The following SLX4IP variants were observed in gnomAD, a reference collection of about 807,000 sequenced individuals.
The protein encoded by SLX4IP is SLX4 interacting protein, also known as protein SLX4IP.
SLX4IP carries 34 observed loss-of-function variants against 32.9 expected under a neutral mutation model. The observed-to-expected ratio is 1.03, with a 90% CI of 0.79 to 1.38. The LOEUF is 1.38. Ranked by LOEUF, SLX4IP falls within the 40% of genes most tolerant of loss-of-function variation. The pLI is 0.00. For missense variants in SLX4IP, 444 were observed against 479.0 expected, an observed-to-expected ratio of 0.93 and a Z score of 0.68; for synonymous variants, 172 against 171.7, an observed-to-expected ratio of 1.00 and a Z score of -0.01.
rs1051358799 is a variant in SLX4IP, at chr20:10,512,629, TTATATATAG to T, written c.28-43589_28-43581del. Among the ~76,000 whole-genome samples the T allele has an allele frequency of 1.4e-5, 2 of 144,604 alleles. 1 individual carries two copies. The highest frequency in any genetic ancestry group is 4.2e-4 in the South Asian group (2 of 4,760). The allele number at this position is 144,604 out of a possible 152,430, so 94.9% of individuals were successfully genotyped here. On this transcript the variant is annotated intron_variant, in intron 2 of 7. Coordinates refer to ENST00000334534, the MANE Select transcript of SLX4IP (RefSeq NM_001009608.3). ...TATAAAATATATATAGTATTATATA[TTATATATAG>T]TATATATAGTATTTTTTATATATAG...
chr20:10,562,710 C>A (rs1282397631), intron 4 of SLX4IP, among the ~76,000 whole-genome samples: 1 of 152,180 alleles, frequency 6.6e-6, no homozygotes, highest in Non-Finnish European at 1.5e-5. Flanking sequence ...TCCCATATCA[C>A]CATGAATGAC....
chr20:10,474,313 C>T (rs1375779809), intron 2 of SLX4IP, among the ~76,000 whole-genome samples: 5 of 152,330 alleles, frequency 3.3e-5, no homozygotes, highest in Admixed American at 2.6e-4. Flanking sequence ...GAGCTTCTTA[C>T]AAAAGCCCAT....
rs1410865096 is a variant in SLX4IP, at chr20:10,611,047, A to T, written c.405+9228A>T. Among the ~76,000 whole-genome samples, 9 of 152,216 alleles carry T rather than the reference A, an allele frequency of 5.9e-5. No homozygotes were observed. The East Asian group carries it at 1.3e-3, about 23-fold the overall frequency. On this transcript the variant is annotated intron_variant, in intron 6 of 7. Transcript: ENST00000334534. ...TTATGTGTCATATTTCACATCGCTG[A>T]TGCTCCTGAAAATCATGAGGTGTCC...
intron 2 of SLX4IP, among the ~76,000 whole-genome samples, chr20:10,497,499 T>C (rs2122407432): frequency 6.6e-6 from 1 of 152,316 alleles, no homozygotes; most frequent in East Asian, 1.9e-4. Flanking sequence ...TAGTATACCC[T>C]CTTCAAATAT....
At chr20:10,465,629 C>T (rs532838584) in intron 2 of SLX4IP, among the ~76,000 whole-genome samples, 9 of 152,322 alleles carry the variant, frequency 5.9e-5, no homozygotes, top group African/African-American at 2.2e-4. Context: ...TCTCAGCCTC[C>T]CAAGTAGCTG....
chr20:10,605,303 C>A (rs2066892763), intron 6 of SLX4IP, among the ~76,000 whole-genome samples: 1 of 152,060 alleles, frequency 6.6e-6, no homozygotes, highest in Non-Finnish European at 1.5e-5. Context: ...TTGCTAAGTC[C>A]CAGCTCTATA....
intron 4 of SLX4IP, among the ~76,000 whole-genome samples, chr20:10,576,143 G>A (rs1018120999): frequency 5.3e-5 from 8 of 152,142 alleles, no homozygotes; most frequent in African/African-American, 1.9e-4. Flanking sequence ...CAATTGTGAA[G>A]TTTTATGGTT....
intron 1 of SLX4IP, among the ~76,000 whole-genome samples, chr20:10,436,622 T>TG (rs1187705046): frequency 6.6e-6 from 1 of 152,210 alleles, no homozygotes; most frequent in Non-Finnish European, 1.5e-5. Context: ...TCCAAAGTCC[T>TG]GGGATCACAG....
chr20:10,478,188 C>G (rs1439499843), intron 2 of SLX4IP, among the ~76,000 whole-genome samples: 5 of 152,154 alleles, frequency 3.3e-5, no homozygotes, highest in Non-Finnish European at 5.9e-5. Flanking sequence ...TGTGAGCCAC[C>G]GCGCCCGGCC....
chr20:10,568,966 G>A (rs76592756), intron 4 of SLX4IP, among the ~76,000 whole-genome samples: 9 of 152,234 alleles, frequency 5.9e-5, no homozygotes, highest in East Asian at 3.9e-4. Flanking sequence ...TCAAAAGTTC[G>A]AATATTTCTC....
chr20:10,520,154 G>A (rs1464131036), intron 2 of SLX4IP, among the ~76,000 whole-genome samples: 3 of 152,010 alleles, frequency 2.0e-5, no homozygotes, highest in East Asian at 1.9e-4. Flanking sequence ...GGGTTCAAGC[G>A]ATTCTCCTGC....
intron 1 of SLX4IP, among the ~76,000 whole-genome samples, chr20:10,450,152 G>A (rs963958360): frequency 6.6e-6 from 1 of 151,632 alleles, no homozygotes; most frequent in Non-Finnish European, 1.5e-5. Context: ...AGTACATATG[G>A]GAAAACTGGT....
chr20:10,620,560 CT>C (rs1005373433), intron 6 of SLX4IP, among the ~76,000 whole-genome samples: 28 of 146,924 alleles, frequency 1.9e-4, no homozygotes, highest in South Asian at 6.5e-4. Context: ...ATAAAATATT[CT>C]TTTTTTTTTT....
chr20:10,475,241 A>G (rs2065465616), intron 2 of SLX4IP, among the ~76,000 whole-genome samples: 1 of 152,194 alleles, frequency 6.6e-6, no homozygotes, highest in African/African-American at 2.4e-5. Context: ...AACATTGAAA[A>G]ACATCCTTGT....
intron 5 of SLX4IP, among the ~76,000 whole-genome samples, chr20:10,599,542 T>C (rs1000219702): frequency 6.6e-6 from 1 of 151,302 alleles, no homozygotes; most frequent in Admixed American, 6.6e-5. Flanking sequence ...CACAGGTGTG[T>C]GCCACCATGC....
In SLX4IP at chr20:10,488,311, T is replaced by A. The variant is rs143218355; in HGVS notation, c.27+30080T>A. Among the ~76,000 whole-genome samples the A allele has an allele frequency of 4.0e-3, 612 of 152,054 alleles. 4 individuals are homozygous for A. The highest frequency in any genetic ancestry group is 6.3e-3 in the Non-Finnish European group (429 of 67,960). ...AGAGACAGCACACACAGAGGGAAGA[T>A]GATGTGAAGACACAAGGATAATGCC... On this transcript the variant is annotated intron_variant, in intron 2 of 7. Transcript: ENST00000334534.
chr20:10,486,762 A>G (rs2122389797), intron 2 of SLX4IP, among the ~76,000 whole-genome samples: 1 of 152,330 alleles, frequency 6.6e-6, no homozygotes, highest in South Asian at 2.1e-4. Flanking sequence ...AAGATAGTTA[A>G]TAGCCCTTCA....
intron 2 of SLX4IP, among the ~76,000 whole-genome samples, chr20:10,526,804 T>G (rs561790835): frequency 1.3e-5 from 2 of 152,004 alleles, no homozygotes; most frequent in East Asian, 3.9e-4. Flanking sequence ...TACAAAAAAT[T>G]AGCTGGGTTT....
chr20:10,531,536 T>G (rs1471234448), intron 2 of SLX4IP, among the ~76,000 whole-genome samples: 1 of 152,228 alleles, frequency 6.6e-6, no homozygotes, highest in Non-Finnish European at 1.5e-5. Flanking sequence ...GGAATGGTTC[T>G]CAGCTGTGGG....
Sources: gnomAD v4.1 joint callset for allele counts (sites outside exome capture counted in the v4.1 genomes callset) on GRCh38, gnomAD v4.1.1 for gene constraint, MANE v1.5 for transcripts, NCBI Gene and HGNC (gene_info 2026-07-23, HGNC 2026-07-21) for gene names.